The following DST variants were observed in gnomAD, a reference collection of about 807,000 sequenced individuals.
DST encodes the protein bullous pemphigoid antigen.
DST carries 253 observed loss-of-function variants against 875.2 expected under a neutral mutation model. That is an observed-to-expected ratio of 0.29 (90% CI 0.26 to 0.32). The LOEUF (loss-of-function observed/expected upper bound fraction) is 0.32. DST is among the 10% of genes least tolerant of loss of function. The pLI, the probability that DST is intolerant of heterozygous loss-of-function variation, is 1.00. For synonymous variants in DST, 3,124 were observed against 3,197.1 expected, an observed-to-expected ratio of 0.98 and a Z score of 0.77; for missense variants, 8,287 against 9,111.6, an observed-to-expected ratio of 0.91 and a Z score of 3.68.
chr6:56,813,735 A>G (rs2099763465), intron 4 of DST, among the ~76,000 whole-genome samples: 1 of 152,184 alleles, frequency 6.6e-6, no homozygotes, highest in Admixed American at 6.5e-5. Context: ...GGAAATGAAA[A>G]TTCAAAAATG....
intron 72 of DST, among the ~76,000 whole-genome samples, chr6:56,513,046 C>T (rs976793853): frequency 3.3e-5 from 5 of 152,166 alleles, no homozygotes; most frequent in East Asian, 1.9e-4. Context: ...ATGTTACATA[C>T]GTTCTCCTGT....
intron 4 of DST, 163 bp downstream of exon 4, chr6:56,851,234 C>T (rs1389254424): frequency 2.1e-5 from 14 of 682,530 alleles, no homozygotes; most frequent in East Asian, 8.2e-5. Flanking sequence ...ATGGCTCTAT[C>T]GGTAAAACAA....
In DST at chr6:56,458,055, CATA is replaced by C. The variant is rs1308046554; in HGVS notation, c.*947_*949del. ...TATCTTTCTATAGTATGTGAGTACA[CATA>C]ATAAATTAAAATGTATATATTTATT... On this transcript the variant is annotated 3_prime_UTR_variant, in exon 104 of 104. Transcript: ENST00000680361. 2 of 152,114 alleles carry C rather than the reference CATA, an allele frequency of 1.3e-5. No homozygotes were observed. Among genetic ancestry groups the C allele is most frequent in the Admixed American group, 6.6e-5 (1 of 15,250 alleles). The allele number at this position is 152,114 out of a possible 1,614,324, so 9.4% of individuals were successfully genotyped here. A position where few individuals can be genotyped will look rare whatever the true frequency, so the allele number is the denominator to read the frequency against.
intron 4 of DST, among the ~76,000 whole-genome samples, chr6:56,824,525 G>A (rs1056999616): frequency 4.0e-5 from 6 of 151,808 alleles, no homozygotes; most frequent in Admixed American, 2.0e-4. Context: ...AGTGAGGAGC[G>A]TCTCTGCCCG....
intron 3 of DST, among the ~76,000 whole-genome samples, chr6:56,857,341 G>A (rs1414150341): frequency 2.0e-5 from 3 of 152,188 alleles, no homozygotes; most frequent in Non-Finnish European, 4.4e-5. Flanking sequence ...TTTGTGGTGT[G>A]TTTAAGTGTT....
At chr6:56,949,078 A>G (rs1317024840) in intron 2 of DST, among the ~76,000 whole-genome samples, 1 of 152,226 alleles carries the variant, frequency 6.6e-6, no homozygotes, top group Non-Finnish European at 1.5e-5. Flanking sequence ...TATGCCAATA[A>G]TTATTGTTAT....
chr6:56,798,697 A>G (rs940659007), intron 4 of DST, among the ~76,000 whole-genome samples: 4 of 152,208 alleles, frequency 2.6e-5, no homozygotes, highest in Admixed American at 1.3e-4. Context: ...GCTACCATCA[A>G]TAGTGATTCC....
intron 17 of DST, among the ~76,000 whole-genome samples, 168 bp from the exon 18 acceptor site, chr6:56,640,773 G>A (rs2098888733): frequency 6.6e-6 from 1 of 152,096 alleles, no homozygotes; most frequent in Admixed American, 6.5e-5. Flanking sequence ...AGGGGAAGAG[G>A]GAGGTATAAG....
chr6:56,624,228 C>T, intron 36 of DST: 2 of 585,690 alleles, frequency 3.4e-6, no homozygotes, highest in South Asian at 2.2e-5. Flanking sequence ...AAATATTCTG[C>T]CAAACTGCCA....
chr6:56,686,178 A>G (rs1239926577), intron 9 of DST, among the ~76,000 whole-genome samples: 1 of 152,234 alleles, frequency 6.6e-6, no homozygotes, highest in Non-Finnish European at 1.5e-5. Context: ...AAGCCATTAC[A>G]CTAAGTGAAT....
chr6:56,752,565 A>T (rs1057260506), intron 4 of DST, among the ~76,000 whole-genome samples: 1 of 152,112 alleles, frequency 6.6e-6, no homozygotes, highest in Admixed American at 6.5e-5. Flanking sequence ...GTTTCACATA[A>T]ATATATGCAT....
intron 60 of DST, 24 bp from the exon 61 acceptor site, chr6:56,553,679 G>C: frequency 4.4e-6 from 7 of 1,585,498 alleles, no homozygotes; most frequent in Non-Finnish European, 5.1e-6. Context: ...TACAAGATAT[G>C]TTTATTTTAC....
chr6:56,572,050 C>T (rs2097788460), intron 53 of DST, 50 bp downstream of exon 53: 1 of 1,102,940 alleles, frequency 9.1e-7, no homozygotes, highest in Non-Finnish European at 1.2e-6. Flanking sequence ...AAGTATCTCA[C>T]TCTAATTAAT....
chr6:56,569,933 C>G lies in DST; in HGVS notation c.13801G>C (p.Glu4601Gln), dbSNP rs892801869. 8 of 1,610,904 alleles carry G rather than the reference C, an allele frequency of 5.0e-6. No homozygotes were observed. Among genetic ancestry groups the G allele is most frequent in the Non-Finnish European group, 6.8e-6 (8 of 1,178,878 alleles). ...ACAATGGGAACTTTTTTTGTTGTTTCTTTTATCCATGACTTCAATGATTTA... is the reference window on the plus strand; with the variant it reads ...ACAATGGGAACTTTTTTTGTTGTTTGTTTTATCCATGACTTCAATGATTTA... Reference protein sequence around the residue: ...LVKSLKSWIKETTKKVPIVQP... With the variant: ...LVKSLKSWIKQTTKKVPIVQP... Residue 4601 changes from glutamate to glutamine, a missense_variant, in exon 54 of 104, where the codon GAA (glutamate) becomes CAA (glutamine). Glu to Gln is a conservative substitution (Grantham distance 29, BLOSUM62 2). Around this residue, in one of 10 missense-constraint regions of DST, gnomAD observed 1,513 missense variants for 1,677.8 expected, o/e 0.90. Transcript: ENST00000680361.
chr6:56,719,536 C>T (rs576488495), intron 5 of DST, among the ~76,000 whole-genome samples: 1 of 152,312 alleles, frequency 6.6e-6, no homozygotes, highest in South Asian at 2.1e-4. Flanking sequence ...TTGACACACA[C>T]GTAACTGAAC....
chr6:56,821,220 T>C (rs990947502), intron 4 of DST, among the ~76,000 whole-genome samples: 26 of 152,206 alleles, frequency 1.7e-4, no homozygotes, highest in Admixed American at 8.5e-4. Flanking sequence ...AATGGTCAGG[T>C]ACTCCAATTA....
chr6:56,608,161 C>G lies in DST; in HGVS notation c.6467G>C (p.Cys2156Ser), dbSNP rs752996810. 12 of 1,613,688 alleles carry G rather than the reference C, an allele frequency of 7.4e-6. No individual in the cohort carries two copies. In the South Asian group the frequency reaches 1.2e-4, roughly 16 times the overall value. The stretch of plus-strand genomic sequence containing the variant: ...AGAGAGCCATCTTCTGGCATTTTTA[C>G]AAGCTTCTAAATCTCCTAAATCTGG... ...KMPDLGDLEA[C>S]KNARRWLSFC... The change falls in exon 40 of 104, where the codon TGT becomes TCT. Residue 2156 changes from cysteine (C) to serine (S), a missense_variant. By Grantham distance (112) the Cys-to-Ser change is moderately radical. Transcript: ENST00000680361.
At chr6:56,651,504 G>T (rs530854961) in intron 10 of DST, among the ~76,000 whole-genome samples, 1 of 152,246 alleles carries the variant, frequency 6.6e-6, no homozygotes, top group East Asian at 1.9e-4. Context: ...ATCATAGTCA[G>T]AATATATATG....
In DST at chr6:56,603,564, C is replaced by T; in HGVS notation, c.10941G>A (p.Glu3647=). Reference sequence around the variant, plus strand: ...TAAAGAGGCAGTAGACAATTCTTACCTCCAACTGTCTAAGTTGATTCTTCA... The same window carrying T: ...TAAAGAGGCAGTAGACAATTCTTACTTCCAACTGTCTAAGTTGATTCTTCA... The part of the protein sequence containing the change: ...EALKNQLRQL[E]TFELGLAPIA... Residue 3647 remains glutamate (E), a splice_region_variant and synonymous_variant, in exon 41 of 104, where the codon GAG becomes GAA. Coordinates refer to ENST00000680361, the MANE Select transcript of DST (RefSeq NM_001374736.1). 1 of 1,604,420 alleles carries T rather than the reference C, an allele frequency of 6.2e-7. No individual in the cohort carries two copies. The highest frequency in any genetic ancestry group is 1.1e-5 in the South Asian group (1 of 89,618).
Sources: allele counts gnomAD v4.1 joint callset (sites outside exome capture counted in the v4.1 genomes callset), GRCh38; gene constraint gnomAD v4.1.1; regional missense constraint gnomAD v4.1.1; transcripts MANE v1.5; gene names NCBI Gene and HGNC (gene_info 2026-07-23, HGNC 2026-07-21).